Variants in ECH1 observed in about 807,000 individuals in gnomAD.
ECH1 encodes delta(3,5)-Delta(2,4)-dienoyl-CoA isomerase, mitochondrial.
A neutral mutation model predicts 37.0 loss-of-function variants in ECH1; 30 were observed. The observed-to-expected ratio is 0.81, with a 90% CI of 0.61 to 1.10. The LOEUF is 1.10. Among genes scored for constraint, ECH1 ranks in the 50% least tolerant of loss-of-function variants. The pLI is 0.00. For missense variants in ECH1, 456 were observed against 441.6 expected, an observed-to-expected ratio of 1.03 and a Z score of -0.29; for synonymous variants, 178 against 176.0, an observed-to-expected ratio of 1.01 and a Z score of -0.09.
In ECH1 at chr19:38,816,081, T is replaced by C. The variant is rs1971571334; in HGVS notation, c.732-74A>G. Reference sequence around the variant, plus strand: ...CTCCAGCCTCCCGCAGATGAAGAAGTGGCCACTCACAGAGGAAGGCCCAAG... The same window carrying C: ...CTCCAGCCTCCCGCAGATGAAGAAGCGGCCACTCACAGAGGAAGGCCCAAG... On this transcript the variant is annotated intron_variant, in intron 8 of 9. Coordinates refer to ENST00000221418, the MANE Select transcript of ECH1 (RefSeq NM_001398.3). 3 of 1,589,796 alleles carry C rather than the reference T, an allele frequency of 1.9e-6. No homozygotes were observed. The Admixed American group carries it at 5.2e-5, about 27-fold the overall frequency.
At chr19:38,820,715 C>T (rs1270336940) in intron 3 of ECH1, among the ~76,000 whole-genome samples, 2 of 152,146 alleles carry the variant, frequency 1.3e-5, no homozygotes, top group Non-Finnish European at 2.9e-5. Context: ...TTCTGGCCTT[C>T]GGGGTCTTGC....
intron 3 of ECH1, among the ~76,000 whole-genome samples, chr19:38,821,303 G>C (rs971045637): frequency 6.6e-6 from 1 of 152,096 alleles, no homozygotes. Flanking sequence ...GGGAGACCCT[G>C]TCTCAAAAAT....
chr19:38,825,167 G>A (rs1391987312), intron 3 of ECH1, among the ~76,000 whole-genome samples: 1 of 152,222 alleles, frequency 6.6e-6, no homozygotes, highest in Non-Finnish European at 1.5e-5. Context: ...TCTTAATCAA[G>A]TAAATGATAG....
rs369378100 is a variant in ECH1 at position 38,815,911 on chromosome 19, C to T, written c.828G>A (p.Lys276=). 1.9e-6 allele frequency: 3 copies of T among 1,614,102 alleles called. No homozygotes were observed. The highest frequency in any genetic ancestry group is 2.7e-5 in the African/African-American group (2 of 74,938). ...GGTCGCGGGAATACAGCAGGTTGAC[C>T]TTGGTGCTCTGCACCGCCACGGGGC... ...SKSPVAVQST[K]VNLLYSRDHS... Residue 276 remains lysine, a synonymous_variant, in exon 9 of 10, where the codon AAG becomes AAA. Transcript: ENST00000221418.
chr19:38,817,353 G>C lies in ECH1; in HGVS notation c.486C>G (p.Pro162=), dbSNP rs189618595. ...AGCCCCCATGGACGGCAGCAATCAC[G>C]GGCTTGGGGCACTGAGAGGGAACAG... ...TFNVIERCPK[P]VIAAVHGGCI... The change falls in exon 5 of 10, where the codon CCC becomes CCG. Residue 162 remains proline, a synonymous_variant. Coordinates refer to ENST00000221418, the MANE Select transcript of ECH1 (RefSeq NM_001398.3). The C allele has an allele frequency of 6.3e-7, 1 of 1,589,150 alleles. No homozygotes were observed. The highest frequency in any genetic ancestry group is 1.8e-5 in the Admixed American group (1 of 55,542).
intron 3 of ECH1, among the ~76,000 whole-genome samples, chr19:38,821,786 C>G (rs1008985594): frequency 6.6e-6 from 1 of 152,136 alleles, no homozygotes; most frequent in South Asian, 2.1e-4. Context: ...CCCCCGCCGC[C>G]GTGGGCTCCT....
At position 38,816,315 on chromosome 19, in the gene ECH1, C is replaced by T. The variant is rs1305960269; in HGVS notation, c.700G>A (p.Ala234Thr). The T allele has an allele frequency of 6.2e-7, 1 of 1,613,648 alleles. No homozygotes were observed. The highest frequency in any genetic ancestry group is 1.1e-5 in the South Asian group (1 of 91,072). Residue 234 changes from alanine (A) to threonine (T), a missense_variant, in exon 8 of 10, where the codon GCT (alanine) becomes ACT (threonine). By Grantham distance (58) the Ala-to-Thr change is moderately conservative. Transcript: ENST00000221418. The stretch of plus-strand genomic sequence containing the variant: ...AGCCCACTGCCCAGGGCCTCGTCAG[C>T]CATCATCTTGCGGGCGGTGAAGGCC... Reference protein sequence around the residue: ...ELAFTARKMMADEALGSGLVS... With the variant: ...ELAFTARKMMTDEALGSGLVS...
intron 3 of ECH1, among the ~76,000 whole-genome samples, chr19:38,826,046 G>A (rs1971734667): frequency 6.6e-6 from 1 of 152,198 alleles, no homozygotes. Flanking sequence ...CTGTCCTCAA[G>A]GTCTGTTACC....
chr19:38,815,645 C>G lies in ECH1; in HGVS notation c.955G>C (p.Glu319Gln), dbSNP rs779288077. The G allele has an allele frequency of 4.3e-6, 7 of 1,614,172 alleles. No homozygotes were observed. The highest frequency in any genetic ancestry group is 1.6e-4 in the Middle Eastern group (1 of 6,062). Residue 319 changes from glutamate to glutamine, a missense_variant, in exon 10 of 10, where the codon GAA (glutamate) becomes CAA (glutamine). Coordinates refer to ENST00000221418, the MANE Select transcript of ECH1 (RefSeq NM_001398.3). The stretch of plus-strand genomic sequence containing the variant: ...TTGGAGAAGGTGACGGTTTTCAGTT[C>G]CTTGTTCTCAGTCGTGGCCTGGACC... ...KSVQATTENK[E>Q]LKTVTFSKL
rs200226678 is a variant in ECH1, at chr19:38,815,957, G to A, written c.782C>T (p.Ala261Val). Residue 261 changes from alanine (A) to valine (V), a missense_variant, in exon 9 of 10, where the codon GCG (alanine) becomes GTG (valine). Transcript: ENST00000221418. ...EVMLDAALAL[A>V]AEISSKSPVA... is the part of the protein sequence containing the mutation. ...GGGGCTCTTGCTGGAAATCTCGGCC[G>A]CCAGCGCTAAGGCAGCATCCAGCAT... The A allele has an allele frequency of 1.9e-6, 3 of 1,614,086 alleles. No individual in the cohort carries two copies. Among genetic ancestry groups the A allele is most frequent in the Non-Finnish European group, 2.5e-6 (3 of 1,180,028 alleles).
Position 38,831,504 on chromosome 19 carries a change from G to A in ECH1, c.65C>T (p.Ser22Phe), listed in dbSNP as rs776179360. ...RDLLTRRLTG[S>F]NYPGLSISLR... ...GCTAATACTGAGTCCCGGGTAGTTG[G>A]AGCCTGTCAGTCCTGGGGAGAAAGG... The change falls in exon 2 of 10, where the codon TCC (serine) becomes TTC (phenylalanine). Residue 22 changes from serine to phenylalanine, a missense_variant. Transcript: ENST00000221418. 6 of 1,613,820 alleles carry A rather than the reference G, an allele frequency of 3.7e-6. No individual in the cohort carries two copies. Among genetic ancestry groups the A allele is most frequent in the Non-Finnish European group, 4.2e-6 (5 of 1,179,864 alleles).
At chr19:38,822,772 C>T (rs552411455) in intron 3 of ECH1, among the ~76,000 whole-genome samples, 12 of 152,302 alleles carry the variant, frequency 7.9e-5, no homozygotes, top group African/African-American at 1.7e-4. Flanking sequence ...CTCTGTAAAA[C>T]GGACCAACCA....
At chr19:38,817,177 T>C in intron 5 of ECH1, 48 bp from the exon 6 acceptor site, 1 of 1,552,930 alleles carries the variant, frequency 6.4e-7, no homozygotes, top group Non-Finnish European at 8.7e-7. Flanking sequence ...GAACCAACCC[T>C]GGCTCCCGGG....
At chr19:38,817,178 G>A in intron 5 of ECH1, 49 bp from the exon 6 acceptor site, 1 of 1,552,964 alleles carries the variant, frequency 6.4e-7, no homozygotes, top group Non-Finnish European at 8.7e-7. Flanking sequence ...AACCAACCCT[G>A]GCTCCCGGGA....
intron 3 of ECH1, among the ~76,000 whole-genome samples, chr19:38,823,750 G>A (rs1285821551): frequency 2.6e-5 from 4 of 152,276 alleles, no homozygotes; most frequent in African/African-American, 4.8e-5. Context: ...AGCGAGACTC[G>A]CCCATCTATC....
Position 38,818,824 on chromosome 19 carries a change from A to G in ECH1, c.350-1249T>C, listed in dbSNP as rs554221704. On this transcript the variant is annotated intron_variant, in intron 3 of 9. Coordinates refer to ENST00000221418, the MANE Select transcript of ECH1 (RefSeq NM_001398.3). ...TCCCACCTGTGGCTCTTAGAACAAA[A>G]TGGAACGTCCTTGTCATGACTACCC... Among the ~76,000 whole-genome samples, 9 of 152,252 alleles carry G rather than the reference A, an allele frequency of 5.9e-5. 1 individual carries two copies. The South Asian group carries it at 1.9e-3, about 32-fold the overall frequency.
rs182361921 is a variant in ECH1, at chr19:38,818,558, G to A, written c.350-983C>T. ...GGCTGGAGTGCAGTGGCAGGATCTC[G>A]GCTCAATGCAACCTCCGCCTCCCGG... On this transcript the variant is annotated intron_variant, in intron 3 of 9. Transcript: ENST00000221418. The A allele has an allele frequency of 4.8e-3, 1,055 of 221,658 alleles. 13 individuals are homozygous for A. Among genetic ancestry groups the A allele is most frequent in the Non-Finnish European group, 4.3e-3 (573 of 131,928 alleles). 13.7% of individuals were successfully genotyped at this position (221,658 alleles called of 1,614,324 possible). A position where few individuals can be genotyped will look rare whatever the true frequency, so the allele number is the denominator to read the frequency against.
rs748563864 is a variant in ECH1, at chr19:38,831,762, C to CCCGCCGCCATCG, written c.-2_10dup (p.Ala3_Gly4insAlaMetAlaAla). On this transcript the variant is annotated inframe_insertion, in exon 1 of 10. Coordinates refer to ENST00000221418, the MANE Select transcript of ECH1 (RefSeq NM_001398.3). ...GCGGAGTCTGCGAGAAGCCACTATC[C>CCCGCCGCCATCG]CCGCCGCCATCGCCGCCGCCTTCGT... 8.7e-6 allele frequency: 14 copies of CCCGCCGCCATCG among 1,613,386 alleles called. No individual in the cohort carries two copies. Among genetic ancestry groups the CCCGCCGCCATCG allele is most frequent in the Non-Finnish European group, 1.2e-5 (14 of 1,179,856 alleles).
At chr19:38,818,046 T>C (rs1453693351) in intron 3 of ECH1, among the ~76,000 whole-genome samples, 1 of 152,094 alleles carries the variant, frequency 6.6e-6, no homozygotes, top group East Asian at 1.9e-4. Flanking sequence ...CTCAGCCTCC[T>C]GAGTGGCTGG....
Sources: allele counts gnomAD v4.1 joint callset (sites outside exome capture counted in the v4.1 genomes callset), GRCh38; gene constraint gnomAD v4.1.1; transcripts MANE v1.5; gene names NCBI Gene and HGNC (gene_info 2026-07-23, HGNC 2026-07-21).